The following CPAMD8 variants were observed in gnomAD, a reference collection of about 807,000 sequenced individuals.
CPAMD8 encodes C3 and PZP like alpha-2-macroglobulin domain containing 8.
In CPAMD8, 146 loss-of-function variants were observed where a neutral mutation model predicts 224.7. The observed-to-expected ratio is 0.65, with a 90% CI of 0.57 to 0.75. The LOEUF is 0.75. Among genes scored for constraint, CPAMD8 ranks in the 30% least tolerant of loss-of-function variants. CPAMD8 has a pLI of 0.00. For synonymous variants in CPAMD8, 966 were observed against 1,044.6 expected (o/e 0.92, Z 1.45); for missense variants, 2,301 against 2,537.5 (o/e 0.91, Z 2.00).
Position 16,980,572 on chromosome 19 carries a change from T to C in CPAMD8, c.1510A>G (p.Thr504Ala), listed in dbSNP as rs749402168. ...IVLSGQQPAH[T>A]TQQRSKRAAP... ...GCCCGCTTGCTTCGCTGCTGGGTGGTGTGGGCAGGCTGCTGGCCCGATAGC... is the reference window on the plus strand; with the variant it reads ...GCCCGCTTGCTTCGCTGCTGGGTGGCGTGGGCAGGCTGCTGGCCCGATAGC... The change falls in exon 14 of 42, where the codon ACC becomes GCC. Residue 504 changes from threonine (T) to alanine (A), a missense_variant. Physicochemically the swap from Thr to Ala is moderately conservative, Grantham distance 58. This residue lies in a region of CPAMD8 where 301 missense variants were observed against 406.6 expected (regional missense o/e 0.74). Coordinates refer to ENST00000443236, the MANE Select transcript of CPAMD8 (RefSeq NM_015692.5). 1 of 1,613,902 alleles carries C rather than the reference T, an allele frequency of 6.2e-7. No homozygotes were observed. Among genetic ancestry groups the C allele is most frequent in the Non-Finnish European group, 8.5e-7 (1 of 1,179,910 alleles).
At chr19:16,958,050 T>C (rs2054530337) in intron 18 of CPAMD8, 135 bp from the exon 19 acceptor site, 2 of 733,578 alleles carry the variant, frequency 2.7e-6, no homozygotes, top group Non-Finnish European at 2.3e-6. Context: ...ACATTGTACT[T>C]CACTGGGATA....
chr19:17,014,482 A>G (rs1840534440), intron 3 of CPAMD8, among the ~76,000 whole-genome samples: 1 of 152,178 alleles, frequency 6.6e-6, no homozygotes, highest in Admixed American at 6.6e-5. Context: ...CTGTTTTCAC[A>G]CTGGTGATAA....
intron 20 of CPAMD8, among the ~76,000 whole-genome samples, chr19:16,949,202 G>A (rs2054222824): frequency 6.6e-6 from 1 of 152,068 alleles, no homozygotes; most frequent in East Asian, 1.9e-4. Flanking sequence ...TCTTGGGGAT[G>A]GTCATACAAG....
chr19:17,018,425 C>T (rs2056866445), intron 3 of CPAMD8, among the ~76,000 whole-genome samples: 1 of 152,152 alleles, frequency 6.6e-6, no homozygotes, highest in South Asian at 2.1e-4. Flanking sequence ...TGAACAGGTA[C>T]TGCTGTGTAT....
chr19:16,981,113 GGGGCTGAAGC>G, intron 13 of CPAMD8, among the ~76,000 whole-genome samples: 1 of 152,148 alleles, frequency 6.6e-6, no homozygotes, highest in East Asian at 1.9e-4. Flanking sequence ...AGCACTTTGG[GGGGCTGAAGC>G]GGACAGATCG....
chr19:17,014,366 TA>T (rs1249008609), intron 3 of CPAMD8, among the ~76,000 whole-genome samples: 1 of 131,966 alleles, frequency 7.6e-6, no homozygotes, highest in African/African-American at 2.5e-5. Flanking sequence ...GCCGTCCTCT[TA>T]TTTTTTTTTA....
intron 22 of CPAMD8, 32 bp downstream of exon 22, chr19:16,945,517 G>A (rs759315177): frequency 6.2e-7 from 1 of 1,605,888 alleles, no homozygotes; most frequent in Non-Finnish European, 8.5e-7. Flanking sequence ...TGAGGCCCTG[G>A]CTAAGCACCA....
intron 30 of CPAMD8, 143 bp downstream of exon 30, chr19:16,906,809 A>C: frequency 1.2e-6 from 1 of 826,180 alleles, no homozygotes; most frequent in South Asian, 1.7e-5. Context: ...TCCCGGGTTC[A>C]AGCGATTCTC....
At chr19:16,949,084 G>A (rs1355348221) in intron 20 of CPAMD8, among the ~76,000 whole-genome samples, 1 of 151,642 alleles carries the variant, frequency 6.6e-6, no homozygotes, top group East Asian at 1.9e-4. Context: ...AAGGGAGGAA[G>A]GAAGGAGAAA....
intron 1 of CPAMD8, among the ~76,000 whole-genome samples, chr19:17,024,467 A>G (rs568443183): frequency 1.6e-4 from 24 of 152,358 alleles, no homozygotes; most frequent in African/African-American, 5.8e-4. Context: ...TAAAAGGGGA[A>G]TACTCTTTCT....
At chr19:16,905,425 C>CA in intron 30 of CPAMD8, among the ~76,000 whole-genome samples, 1 of 147,626 alleles carries the variant, frequency 6.8e-6, no homozygotes, top group East Asian at 2.0e-4. Context: ...CTAAAAAATA[C>CA]AAAAAATTAG....
At chr19:16,977,574 T>C (rs1438371124) in intron 14 of CPAMD8, 34 bp from the exon 15 acceptor site, 2 of 1,526,536 alleles carry the variant, frequency 1.3e-6, no homozygotes, top group East Asian at 2.3e-5. Flanking sequence ...AGGTGGTGAA[T>C]TCTCCGCATC....
intron 23 of CPAMD8, among the ~76,000 whole-genome samples, chr19:16,936,380 C>A (rs2053683093): frequency 6.6e-6 from 1 of 151,934 alleles, no homozygotes; most frequent in South Asian, 2.1e-4. Flanking sequence ...CTGGTTATTT[C>A]TTTTGCCCAC....
At chr19:17,003,094 G>A (rs1327076886) in intron 8 of CPAMD8, among the ~76,000 whole-genome samples, 2 of 151,598 alleles carry the variant, frequency 1.3e-5, no homozygotes, top group East Asian at 1.9e-4. Flanking sequence ...GTAGAGATGG[G>A]GTTTCACCAT....
At chr19:16,902,222 C>T (rs2052286925) in intron 35 of CPAMD8, among the ~76,000 whole-genome samples, 1 of 151,690 alleles carries the variant, frequency 6.6e-6, no homozygotes, top group Non-Finnish European at 1.5e-5. Flanking sequence ...TTCTTTCATT[C>T]ATTTCAAAAA....
At chr19:17,011,782 G>C in intron 3 of CPAMD8, 25 bp from the exon 4 acceptor site, 1 of 1,606,998 alleles carries the variant, frequency 6.2e-7, no homozygotes, top group Non-Finnish European at 8.5e-7. Flanking sequence ...AGGAGCTTTG[G>C]GACAAGAATT....
chr19:16,999,652 G>A (rs1182654249), intron 10 of CPAMD8, among the ~76,000 whole-genome samples: 4 of 151,644 alleles, frequency 2.6e-5, no homozygotes, highest in African/African-American at 9.7e-5. Context: ...TGTATGCTAT[G>A]TGAATGATAT....
chr19:16,929,877 G>A (rs1229590807), intron 23 of CPAMD8, among the ~76,000 whole-genome samples: 1 of 152,156 alleles, frequency 6.6e-6, no homozygotes, highest in Non-Finnish European at 1.5e-5. Flanking sequence ...TCCCCAGATG[G>A]TTCTACAGAT....
chr19:16,992,807 T>C (rs1433325423), intron 12 of CPAMD8, among the ~76,000 whole-genome samples: 1 of 151,974 alleles, frequency 6.6e-6, no homozygotes, highest in Non-Finnish European at 1.5e-5. Context: ...GGCATGCACG[T>C]GTAATCTCAG....
Sources: allele counts gnomAD v4.1 joint callset (sites outside exome capture counted in the v4.1 genomes callset), GRCh38; gene constraint gnomAD v4.1.1; regional missense constraint gnomAD v4.1.1; transcripts MANE v1.5; gene names NCBI Gene and HGNC (gene_info 2026-07-23, HGNC 2026-07-21).